Variants in PKNOX1 observed in about 807,000 individuals in gnomAD.
The protein encoded by PKNOX1 is homeobox protein PKNOX1.
A neutral mutation model predicts 51.9 loss-of-function variants in PKNOX1; 15 were observed. The observed-to-expected ratio is 0.29, with a 90% CI of 0.19 to 0.45. The LOEUF (loss-of-function observed/expected upper bound fraction) is 0.45, where lower values mean the gene tolerates loss of function less well. PKNOX1 is among the 20% of genes least tolerant of loss of function. The pLI is 1.00. For synonymous variants in PKNOX1, 219 were observed against 211.1 expected (o/e 1.04, Z -0.32); for missense variants, 462 against 547.5 (o/e 0.84, Z 1.56).
rs764299232 is a variant in PKNOX1 at position 43,016,874 on chromosome 21, G to A, written c.523-34G>A. 3.6e-5 allele frequency: 51 copies of A among 1,398,364 alleles called. No individual in the cohort carries two copies. In the East Asian group the frequency reaches 1.1e-3, roughly 31 times the overall value. The allele number at this position is 1,398,364 out of a possible 1,614,324, so 86.6% of individuals were successfully genotyped here. ...TTAAACATGGGTTTTCCGTTTTCTAGTAATTCCTTCAACATGTGTGTTCTG... is the reference window on the plus strand; with the variant it reads ...TTAAACATGGGTTTTCCGTTTTCTAATAATTCCTTCAACATGTGTGTTCTG... On this transcript the variant is annotated intron_variant, in intron 5 of 10. Transcript: ENST00000291547.
rs1980378129 is a variant in PKNOX1, at chr21:43,033,714, G to A, written c.*3613G>A. The A allele has an allele frequency of 6.6e-6, 1 of 152,112 alleles. No homozygotes were observed. The allele number at this position is 152,112 out of a possible 1,614,324, so 9.4% of individuals were successfully genotyped here. Reference sequence around the variant, plus strand: ...TCACCCCTGCATATTGAGAAACTAGGACCACACTGCATCGGACTAGTCAGG... The same window carrying A: ...TCACCCCTGCATATTGAGAAACTAGAACCACACTGCATCGGACTAGTCAGG... On this transcript the variant is annotated 3_prime_UTR_variant, in exon 11 of 11. Transcript: ENST00000291547.
chr21:42,986,787 A>C (rs1226648772), intron 1 of PKNOX1, among the ~76,000 whole-genome samples: 2 of 152,150 alleles, frequency 1.3e-5, no homozygotes, highest in African/African-American at 4.8e-5. Context: ...TCTGGATCTG[A>C]CTGTTGTGTT....
chr21:43,026,790 G>A (rs1004974071), intron 9 of PKNOX1, among the ~76,000 whole-genome samples: 14 of 152,064 alleles, frequency 9.2e-5, no homozygotes, highest in Admixed American at 5.9e-4. Context: ...CATTACAGTA[G>A]CAGTGGGGCC....
At position 43,018,151 on chromosome 21, in the gene PKNOX1, C is replaced by G. The variant is rs142921218; in HGVS notation, c.641C>G (p.Pro214Arg). Residue 214 changes from proline (P) to arginine (R), a missense_variant, in exon 7 of 11, where the codon CCT becomes CGT. Transcript: ENST00000291547. ...TTTCGAGGTGGCACAGTGTATCAGC[C>G]TGTCACGGTCGTCACTCCCCAAGGC... ...ATVAGGTVYQ[P>R]VTVVTPQGQV... The G allele has an allele frequency of 4.3e-6, 7 of 1,610,938 alleles. No individual in the cohort carries two copies. The African/African-American group carries it at 9.4e-5, about 22-fold the overall frequency.
chr21:43,007,674 G>A (rs1198975435), intron 3 of PKNOX1, 56 bp downstream of exon 3: 6 of 1,603,720 alleles, frequency 3.7e-6, no homozygotes, highest in Non-Finnish European at 5.1e-6. Context: ...GTGTCCACAA[G>A]TTTGTTAAAA....
At chr21:42,975,341 G>A (rs2058989436) in intron 1 of PKNOX1, among the ~76,000 whole-genome samples, 1 of 151,812 alleles carries the variant, frequency 6.6e-6, no homozygotes, top group African/African-American at 2.4e-5. Flanking sequence ...GCGCCGGCGC[G>A]GGAGCAGCCC....
At chr21:42,996,555 A>G (rs1333732782) in intron 1 of PKNOX1, among the ~76,000 whole-genome samples, 1 of 152,160 alleles carries the variant, frequency 6.6e-6, no homozygotes, top group Non-Finnish European at 1.5e-5. Flanking sequence ...ATGGAGTCTC[A>G]CCATGGACAG....
At chr21:43,000,446 A>ATG (rs1745568188) in intron 1 of PKNOX1, among the ~76,000 whole-genome samples, 1 of 152,216 alleles carries the variant, frequency 6.6e-6, no homozygotes, top group South Asian at 2.1e-4. Flanking sequence ...AGAGGAGAGC[A>ATG]TGTACAGGGG....
intron 1 of PKNOX1, among the ~76,000 whole-genome samples, chr21:42,982,712 CAA>C (rs1234516383): frequency 1.9e-5 from 2 of 104,124 alleles, no homozygotes; most frequent in Non-Finnish European, 3.7e-5. Context: ...GCCTGGGCAA[CAA>C]GAGCGAAACT....
intron 1 of PKNOX1, among the ~76,000 whole-genome samples, chr21:42,976,566 T>TAAC (rs1329239449): frequency 3.9e-5 from 6 of 152,250 alleles, no homozygotes; most frequent in Non-Finnish European, 5.9e-5. Flanking sequence ...TGCTATCCAC[T>TAAC]AAGTTGATGT....
At chr21:42,987,248 G>A (rs1397642592) in intron 1 of PKNOX1, among the ~76,000 whole-genome samples, 1 of 151,056 alleles carries the variant, frequency 6.6e-6, no homozygotes, top group East Asian at 2.0e-4. Context: ...TGGGCGTGGT[G>A]GCGCATGCCT....
At chr21:42,997,428 C>T (rs1163021045) in intron 1 of PKNOX1, among the ~76,000 whole-genome samples, 1 of 152,050 alleles carries the variant, frequency 6.6e-6, no homozygotes, top group East Asian at 1.9e-4. Flanking sequence ...TGTGCATCAG[C>T]CAAACAAAAA....
rs368945055 is a variant in PKNOX1, at chr21:42,987,336, C to G, written c.-57+12672C>G. On this transcript the variant is annotated intron_variant, in intron 1 of 10. Coordinates refer to ENST00000291547, the MANE Select transcript of PKNOX1 (RefSeq NM_004571.5). Reference sequence around the variant, plus strand: ...GGCGGAGGTTGCAGTGAGCTGAGATCGTGCCATTACACTCCAGCCTGGGCA... The same window carrying G: ...GGCGGAGGTTGCAGTGAGCTGAGATGGTGCCATTACACTCCAGCCTGGGCA... 6.0e-5 allele frequency among the ~76,000 whole-genome samples: 8 copies of G among 133,340 alleles called. No individual in the cohort carries two copies. The South Asian group carries it at 7.2e-4, about 12-fold the overall frequency. 87.5% of individuals were successfully genotyped at this position (133,340 alleles called of 152,430 possible).
chr21:42,994,021 C>T lies in PKNOX1; in HGVS notation c.-56-10305C>T, dbSNP rs190309043. Reference sequence around the variant, plus strand: ...TGTTGGGATTACAGGTGTGAGCCGCCGCGCCCAGCCTTTTTTTTTTTTTTT... The same window carrying T: ...TGTTGGGATTACAGGTGTGAGCCGCTGCGCCCAGCCTTTTTTTTTTTTTTT... On this transcript the variant is annotated intron_variant, in intron 1 of 10. Transcript: ENST00000291547. 4.2e-3 allele frequency among the ~76,000 whole-genome samples: 578 copies of T among 137,446 alleles called. 5 individuals carry two copies. Among genetic ancestry groups the T allele is most frequent in the African/African-American group, 0.015 (536 of 36,352 alleles). The allele number at this position is 137,446 out of a possible 152,430, so 90.2% of individuals were successfully genotyped here.
chr21:42,986,743 C>A (rs1004515557), intron 1 of PKNOX1, among the ~76,000 whole-genome samples: 4 of 152,116 alleles, frequency 2.6e-5, no homozygotes, highest in Non-Finnish European at 5.9e-5. Flanking sequence ...TTTGGGAGGA[C>A]TGGTAACAAA....
At chr21:42,982,307 A>G (rs1486491707) in intron 1 of PKNOX1, among the ~76,000 whole-genome samples, 1 of 152,236 alleles carries the variant, frequency 6.6e-6, no homozygotes, top group Non-Finnish European at 1.5e-5. Flanking sequence ...GGTAGGTACT[A>G]TGATCACAGT....
rs73233401 is a variant in PKNOX1 at position 43,017,788 on chromosome 21, C to T, written c.623-345C>T. The T allele has an allele frequency of 4.2e-3, 783 of 187,984 alleles. 4 individuals carry two copies. Among genetic ancestry groups the T allele is most frequent in the Non-Finnish European group, 7.0e-3 (628 of 90,194 alleles). The allele number at this position is 187,984 out of a possible 1,614,324, so 11.6% of individuals were successfully genotyped here. A position where few individuals can be genotyped will look rare whatever the true frequency, so the allele number is the denominator to read the frequency against. Reference sequence around the variant, plus strand: ...ACCTGCCCACCCACTGCTGCAGGTGCCCGAGTAGCCCACCCAGGGAGTTTG... The same window carrying T: ...ACCTGCCCACCCACTGCTGCAGGTGTCCGAGTAGCCCACCCAGGGAGTTTG... On this transcript the variant is annotated intron_variant, in intron 6 of 10. Transcript: ENST00000291547.
At chr21:42,997,695 ACTTAAC>A (rs1978569291) in intron 1 of PKNOX1, among the ~76,000 whole-genome samples, 1 of 152,196 alleles carries the variant, frequency 6.6e-6, no homozygotes, top group Non-Finnish European at 1.5e-5. Context: ...GCATGGACAA[ACTTAAC>A]CCCAGTGTGG....
intron 1 of PKNOX1, among the ~76,000 whole-genome samples, chr21:42,985,650 T>G (rs1333115801): frequency 1.3e-5 from 2 of 152,098 alleles, no homozygotes; most frequent in Admixed American, 1.3e-4. Context: ...CTTAAAACTT[T>G]GATGCGAATT....
Sources: gnomAD v4.1 joint callset for allele counts (sites outside exome capture counted in the v4.1 genomes callset) on GRCh38, gnomAD v4.1.1 for gene constraint, MANE v1.5 for transcripts, NCBI Gene and HGNC (gene_info 2026-07-23, HGNC 2026-07-21) for gene names.